The following LRFN2 variants were observed in gnomAD, a reference collection of about 807,000 sequenced individuals.
The protein encoded by LRFN2 is leucine-rich repeat and fibronectin type-III domain-containing protein 2.
LRFN2 carries 18 observed loss-of-function variants against 37.3 expected under a neutral mutation model. That is an observed-to-expected ratio of 0.48 (90% CI 0.33 to 0.72). The LOEUF (loss-of-function observed/expected upper bound fraction) is 0.72. Ranked by LOEUF, LRFN2 falls within the 30% of genes least tolerant of loss-of-function variation. LRFN2 has a pLI of 0.02. For missense variants in LRFN2, 1,006 were observed against 1,060.7 expected (o/e 0.95, Z 0.72); for synonymous variants, 556 against 466.6 (o/e 1.19, Z -2.47).
At chr6:40,491,196 G>A (rs1403396436) in intron 1 of LRFN2, among the ~76,000 whole-genome samples, 2 of 152,232 alleles carry the variant, frequency 1.3e-5, no homozygotes, top group Middle Eastern at 3.2e-3. Context: ...ATGCTCACCT[G>A]TTCTCTGGGG....
chr6:40,425,650 G>C (rs1406639375), intron 2 of LRFN2, among the ~76,000 whole-genome samples: 1 of 152,178 alleles, frequency 6.6e-6, no homozygotes, highest in Admixed American at 6.5e-5. Flanking sequence ...CTGGCATTGA[G>C]GGACATGATA....
intron 1 of LRFN2, among the ~76,000 whole-genome samples, chr6:40,569,577 G>A (rs138015322): frequency 1.1e-3 from 165 of 152,250 alleles, no homozygotes; most frequent in African/African-American, 3.5e-3. Flanking sequence ...GTGTAATGCC[G>A]CACTGCCCAG....
At chr6:40,515,614 C>T (rs1003587844) in intron 1 of LRFN2, among the ~76,000 whole-genome samples, 3 of 152,116 alleles carry the variant, frequency 2.0e-5, no homozygotes, top group East Asian at 3.9e-4. Context: ...TCCGGCTGGG[C>T]GCGGTGGCTC....
intron 1 of LRFN2, among the ~76,000 whole-genome samples, chr6:40,509,652 C>A (rs577236120): frequency 6.6e-6 from 1 of 151,530 alleles, no homozygotes; most frequent in Non-Finnish European, 1.5e-5. Context: ...TGCCAGGGAA[C>A]ACAGGACTGC....
At chr6:40,462,139 A>G (rs1764360632) in intron 1 of LRFN2, among the ~76,000 whole-genome samples, 1 of 152,218 alleles carries the variant, frequency 6.6e-6, no homozygotes, top group Non-Finnish European at 1.5e-5. Context: ...GCTAAAACCA[A>G]TAAATGATTT....
At chr6:40,435,042 TATATATATATAGAG>T (rs1260327955) in intron 1 of LRFN2, among the ~76,000 whole-genome samples, 70 of 91,976 alleles carry the variant, frequency 7.6e-4, no homozygotes, top group East Asian at 2.4e-3. Context: ...TATATATATA[TATATATATATAGAG>T]AGAGAGAGAG....
At chr6:40,454,556 A>T (rs1764195260) in intron 1 of LRFN2, among the ~76,000 whole-genome samples, 1 of 152,076 alleles carries the variant, frequency 6.6e-6, no homozygotes, top group African/African-American at 2.4e-5. Context: ...GTACCCTCAA[A>T]TCATTTGTGA....
intron 2 of LRFN2, among the ~76,000 whole-genome samples, chr6:40,410,575 A>C (rs1477702089): frequency 1.3e-5 from 2 of 152,240 alleles, no homozygotes; most frequent in African/African-American, 4.8e-5. Context: ...GATCAGAAGT[A>C]ATGTACACCA....
At chr6:40,450,563 A>T (rs889305897) in intron 1 of LRFN2, among the ~76,000 whole-genome samples, 1 of 152,206 alleles carries the variant, frequency 6.6e-6, no homozygotes, top group Non-Finnish European at 1.5e-5. Flanking sequence ...GAAGCCTGCA[A>T]GGAGGGCAAA....
intron 2 of LRFN2, among the ~76,000 whole-genome samples, chr6:40,427,197 A>G (rs546948365): frequency 6.6e-6 from 1 of 152,264 alleles, no homozygotes; most frequent in East Asian, 1.9e-4. Flanking sequence ...ATTAGAAAAT[A>G]CACTGGCAGT....
At chr6:40,408,956 C>T (rs1762904592) in intron 2 of LRFN2, among the ~76,000 whole-genome samples, 1 of 152,196 alleles carries the variant, frequency 6.6e-6, no homozygotes, top group African/African-American at 2.4e-5. Context: ...CTGATAAGGG[C>T]CTTCTTTCTG....
chr6:40,581,094 T>A (rs1767389477), intron 1 of LRFN2, among the ~76,000 whole-genome samples: 1 of 152,074 alleles, frequency 6.6e-6, no homozygotes, highest in Admixed American at 6.6e-5. Context: ...AGCCCTGGGA[T>A]CCTGGTCATT....
intron 1 of LRFN2, among the ~76,000 whole-genome samples, chr6:40,578,040 C>T (rs1767328518): frequency 6.6e-6 from 1 of 152,080 alleles, no homozygotes; most frequent in African/African-American, 2.4e-5. Context: ...CCCGCCCTCA[C>T]ATAAGCATTC....
At chr6:40,456,028 G>A (rs980167189) in intron 1 of LRFN2, among the ~76,000 whole-genome samples, 5 of 152,084 alleles carry the variant, frequency 3.3e-5, no homozygotes, top group Non-Finnish European at 7.4e-5. Context: ...GGAGTGGTAG[G>A]CAGCCCCTAG....
chr6:40,552,370 T>C (rs1490485985), intron 1 of LRFN2, among the ~76,000 whole-genome samples: 1 of 152,214 alleles, frequency 6.6e-6, no homozygotes, highest in Non-Finnish European at 1.5e-5. Context: ...AGAATTTGCA[T>C]TTCTAACTAG....
At chr6:40,538,331 C>G (rs530041473) in intron 1 of LRFN2, among the ~76,000 whole-genome samples, 9 of 152,184 alleles carry the variant, frequency 5.9e-5, no homozygotes, top group African/African-American at 2.2e-4. Flanking sequence ...TGTAGCAGCC[C>G]CCCTTCTCCA....
intron 1 of LRFN2, among the ~76,000 whole-genome samples, chr6:40,558,041 C>G (rs1168003958): frequency 6.6e-6 from 1 of 152,138 alleles, no homozygotes; most frequent in Non-Finnish European, 1.5e-5. Flanking sequence ...AGTGGGGGTC[C>G]CTGATGTGGT....
In LRFN2 at chr6:40,444,037, C is replaced by T. The variant is rs560523521; in HGVS notation, c.-18-10906G>A. On this transcript the variant is annotated intron_variant, in intron 1 of 2. Coordinates refer to ENST00000338305, the MANE Select transcript of LRFN2 (RefSeq NM_020737.3). ...CACCCTCTCACCACTTGCTGATGCC[C>T]CCCAATGGCCAAACCTAACTAGAGG... Among the ~76,000 whole-genome samples the T allele has an allele frequency of 3.9e-5, 6 of 152,258 alleles. No homozygotes were observed. The East Asian group carries it at 5.8e-4, about 15-fold the overall frequency.
intron 1 of LRFN2, among the ~76,000 whole-genome samples, chr6:40,583,546 G>A (rs951938771): frequency 2.6e-5 from 4 of 152,174 alleles, no homozygotes; most frequent in African/African-American, 9.7e-5. Flanking sequence ...ACATTTTAGT[G>A]ACAGTCTTAA....
Sources: allele counts gnomAD v4.1 joint callset (sites outside exome capture counted in the v4.1 genomes callset), GRCh38; gene constraint gnomAD v4.1.1; transcripts MANE v1.5; gene names NCBI Gene and HGNC (gene_info 2026-07-23, HGNC 2026-07-21).